Variants in FAM227B observed in about 807,000 individuals in gnomAD.
The protein encoded by FAM227B is family with sequence similarity 227 member B, also known as protein FAM227B.
FAM227B carries 88 observed loss-of-function variants against 73.8 expected under a neutral mutation model. The observed-to-expected ratio is 1.19, with a 90% CI of 1.00 to 1.42. FAM227B has a LOEUF of 1.42. FAM227B is among the 40% of genes most tolerant of loss of function. FAM227B has a pLI of 0.00. For synonymous variants in FAM227B, 210 were observed against 190.5 expected (o/e 1.10, Z -0.84); for missense variants, 632 against 590.9 (o/e 1.07, Z -0.72).
intron 7 of FAM227B, 88 bp from the exon 8 acceptor site, chr15:49,575,197 T>G (rs968166004): frequency 4.4e-6 from 3 of 677,138 alleles, no homozygotes; most frequent in Non-Finnish European, 7.4e-6. Flanking sequence ...AAGAGTATGC[T>G]TTCATTGCTT....
chr15:49,509,666 A>G (rs2058842009), intron 10 of FAM227B, among the ~76,000 whole-genome samples: 1 of 151,646 alleles, frequency 6.6e-6, no homozygotes, highest in African/African-American at 2.4e-5. Context: ...TTTAATTCAA[A>G]TTGGTCACAA....
rs140514930 is a variant in FAM227B at position 49,553,136 on chromosome 15, T to C, written c.748-11330A>G. ...AGGTTTTCCAGATACTTGAAAGAGC[T>C]TGGGTGTTGTGATATAAGCTGTATC... On this transcript the variant is annotated intron_variant, in intron 9 of 15. Coordinates refer to ENST00000299338, the MANE Select transcript of FAM227B (RefSeq NM_152647.3). 2.5e-4 allele frequency among the ~76,000 whole-genome samples: 38 copies of C among 152,332 alleles called. 1 individual carries two copies. The East Asian group carries it at 5.8e-3, about 23-fold the overall frequency.
intron 11 of FAM227B, among the ~76,000 whole-genome samples, chr15:49,376,281 T>C (rs938563135): frequency 6.6e-6 from 1 of 152,082 alleles, no homozygotes; most frequent in Non-Finnish European, 1.5e-5. Context: ...ATATAATCCA[T>C]TTTGAGTTAA....
At chr15:49,444,724 G>A (rs1597234982) in intron 11 of FAM227B, among the ~76,000 whole-genome samples, 1 of 151,534 alleles carries the variant, frequency 6.6e-6, no homozygotes. Context: ...TGTCTCAAAG[G>A]CTAGAAATAA....
chr15:49,327,829 A>G lies in FAM227B; in HGVS notation c.*739T>C, dbSNP rs780760318. The G allele has an allele frequency of 2.4e-6, 2 of 835,064 alleles. No homozygotes were observed. The highest frequency in any genetic ancestry group is 1.8e-6 in the Non-Finnish European group (1 of 551,894). 51.7% of individuals were successfully genotyped at this position (835,064 alleles called of 1,614,324 possible). ...TTAATGTCCTAAAATGTTTGATGAC[A>G]CCTAAAAACCCCGCATGTATTTTCT... On this transcript the variant is annotated 3_prime_UTR_variant, in exon 16 of 16. Transcript: ENST00000299338.
chr15:49,560,887 T>G (rs575935120), intron 9 of FAM227B, among the ~76,000 whole-genome samples: 1 of 152,104 alleles, frequency 6.6e-6, no homozygotes, highest in Non-Finnish European at 1.5e-5. Flanking sequence ...GAGTTCTAAA[T>G]GTAGAAACAA....
At chr15:49,596,460 C>G (rs1328469417) in intron 3 of FAM227B, among the ~76,000 whole-genome samples, 1 of 147,316 alleles carries the variant, frequency 6.8e-6, no homozygotes, top group Non-Finnish European at 1.5e-5. Flanking sequence ...AAAAGGAGTT[C>G]TAAATCTTGA....
At chr15:49,550,585 G>A (rs1351302099) in intron 9 of FAM227B, among the ~76,000 whole-genome samples, 15 of 151,448 alleles carry the variant, frequency 9.9e-5, no homozygotes, top group Admixed American at 9.8e-4. Context: ...GGGCAGAGAC[G>A]CTCCTCACCT....
intron 11 of FAM227B, chr15:49,486,048 T>C (rs1271113060): frequency 1.3e-5 from 2 of 152,022 alleles, no homozygotes; most frequent in African/African-American, 4.8e-5. Flanking sequence ...AAGTCTTTCA[T>C]TGGCAGATCT....
At chr15:49,435,978 G>C (rs1310174114) in intron 11 of FAM227B, among the ~76,000 whole-genome samples, 3 of 151,384 alleles carry the variant, frequency 2.0e-5, no homozygotes, top group Non-Finnish European at 4.4e-5. Flanking sequence ...AATTGGTACA[G>C]AGTACTTTAT....
intron 10 of FAM227B, among the ~76,000 whole-genome samples, chr15:49,512,562 CA>C (rs761060199): frequency 2.7e-4 from 41 of 151,994 alleles, no homozygotes; most frequent in African/African-American, 9.4e-4. Flanking sequence ...GGTGCCTATT[CA>C]AATATTTATT....
intron 10 of FAM227B, among the ~76,000 whole-genome samples, chr15:49,533,711 C>T (rs1026754733): frequency 6.6e-6 from 1 of 151,626 alleles, no homozygotes; most frequent in Non-Finnish European, 1.5e-5. Context: ...CTTTTATTAT[C>T]ATTTGCATGG....
intron 10 of FAM227B, among the ~76,000 whole-genome samples, chr15:49,535,698 GAA>G (rs2060955869): frequency 6.6e-6 from 1 of 151,622 alleles, no homozygotes; most frequent in Non-Finnish European, 1.5e-5. Flanking sequence ...AAAAGCACAT[GAA>G]AAAGATTATA....
chr15:49,508,063 G>T, intron 11 of FAM227B, 148 bp downstream of exon 11: 1 of 757,720 alleles, frequency 1.3e-6, no homozygotes, highest in Non-Finnish European at 2.0e-6. Context: ...GGACTTAAGT[G>T]TGTACCACTA....
At chr15:49,342,656 G>T (rs1436276546) in intron 13 of FAM227B, among the ~76,000 whole-genome samples, 1 of 152,164 alleles carries the variant, frequency 6.6e-6, no homozygotes, top group African/African-American at 2.4e-5. Flanking sequence ...TGTTTCTGTG[G>T]TAGAAGGTAT....
chr15:49,376,827 C>T (rs2046194277), intron 11 of FAM227B, among the ~76,000 whole-genome samples: 1 of 151,958 alleles, frequency 6.6e-6, no homozygotes, highest in African/African-American at 2.4e-5. Context: ...ATCTTATCCA[C>T]TTTTGCTAAT....
At chr15:49,588,836 A>G (rs2076353697) in intron 4 of FAM227B, among the ~76,000 whole-genome samples, 1 of 151,264 alleles carries the variant, frequency 6.6e-6, no homozygotes, top group Non-Finnish European at 1.5e-5. Context: ...CAGTTTAAAT[A>G]TGAAAATTTT....
chr15:49,412,472 T>A (rs891013909), intron 11 of FAM227B, among the ~76,000 whole-genome samples: 4 of 152,090 alleles, frequency 2.6e-5, no homozygotes, highest in Non-Finnish European at 4.4e-5. Context: ...AGGATTAATT[T>A]TTTTCAAAAT....
intron 5 of FAM227B, 60 bp from the exon 6 acceptor site, chr15:49,577,724 T>A: frequency 9.0e-7 from 1 of 1,109,576 alleles, no homozygotes; most frequent in Non-Finnish European, 1.3e-6. Flanking sequence ...TTACATTTAG[T>A]AAATTTGTTC....
Sources: allele counts gnomAD v4.1 joint callset (sites outside exome capture counted in the v4.1 genomes callset), GRCh38; gene constraint gnomAD v4.1.1; transcripts MANE v1.5; gene names NCBI Gene and HGNC (gene_info 2026-07-23, HGNC 2026-07-21).